The following PTPRM variants were observed in gnomAD, a reference collection of about 807,000 sequenced individuals.
The protein encoded by PTPRM is protein tyrosine phosphatase receptor type M, also known as receptor-type tyrosine-protein phosphatase mu.
In PTPRM, 47 loss-of-function variants were observed where a neutral mutation model predicts 186.7. The ratio of observed to expected loss-of-function variants is 0.25; its 90% CI spans 0.20 to 0.32. PTPRM has a LOEUF of 0.32. Ranked by LOEUF, PTPRM falls within the 10% of genes least tolerant of loss-of-function variation. The pLI is 1.00. For missense variants in PTPRM, 1,494 were observed against 1,865.0 expected (o/e 0.80, Z 3.66); for synonymous variants, 668 against 674.9 (o/e 0.99, Z 0.16).
chr18:8,359,932 C>T (rs79862498), intron 23 of PTPRM, among the ~76,000 whole-genome samples: 3,851 of 152,340 alleles, frequency 0.025, 71 homozygotes, highest in South Asian at 0.071. Context: ...GAGGTCCTTT[C>T]TTGAAGGCAG....
intron 13 of PTPRM, among the ~76,000 whole-genome samples, chr18:8,126,294 T>G (rs1178596368): frequency 2.0e-5 from 3 of 151,604 alleles, no homozygotes; most frequent in Non-Finnish European, 4.4e-5. Flanking sequence ...AATTGGTTTA[T>G]TTTGTCTTCT....
intron 5 of PTPRM, among the ~76,000 whole-genome samples, chr18:7,929,807 C>T (rs1599568425): frequency 6.6e-6 from 1 of 152,094 alleles, no homozygotes; most frequent in East Asian, 1.9e-4. Context: ...TTTCTCAGTC[C>T]ATTCTTTAGA....
chr18:7,667,440 A>C (rs1054368229), intron 1 of PTPRM, among the ~76,000 whole-genome samples: 39 of 152,238 alleles, frequency 2.6e-4, no homozygotes, highest in African/African-American at 8.9e-4. Flanking sequence ...GCACTAACAC[A>C]GAATTATTTT....
rs558443103 is a variant in PTPRM at position 8,004,727 on chromosome 18, A to G, written c.1132+49313A>G. Among the ~76,000 whole-genome samples, 3 of 152,262 alleles carry G rather than the reference A, an allele frequency of 2.0e-5. No individual in the cohort carries two copies. The East Asian group carries it at 5.8e-4, about 30-fold the overall frequency. On this transcript the variant is annotated intron_variant, in intron 7 of 32. Coordinates refer to ENST00000580170, the MANE Select transcript of PTPRM (RefSeq NM_001105244.2). ...CTTTTGCACCAACCTAGTAATTGCTATAGATTGCACGAAGCCAGAAGGAGC... is the reference window on the plus strand; with the variant it reads ...CTTTTGCACCAACCTAGTAATTGCTGTAGATTGCACGAAGCCAGAAGGAGC...
chr18:7,948,299 GAGAGAGAGA>G (rs2052693987), intron 5 of PTPRM, among the ~76,000 whole-genome samples: 1 of 151,906 alleles, frequency 6.6e-6, no homozygotes, highest in Admixed American at 6.6e-5. Flanking sequence ...GAGAGAGAAA[GAGAGAGAGA>G]AGAGAGAGCA....
chr18:8,214,955 C>A (rs2094059425), intron 14 of PTPRM, among the ~76,000 whole-genome samples: 1 of 152,184 alleles, frequency 6.6e-6, no homozygotes, highest in Non-Finnish European at 1.5e-5. Flanking sequence ...GCCTGGCCAT[C>A]CTTGATAATG....
chr18:7,865,307 A>C (rs920156256), intron 2 of PTPRM, among the ~76,000 whole-genome samples: 5 of 143,212 alleles, frequency 3.5e-5, no homozygotes, highest in African/African-American at 7.3e-5. Flanking sequence ...CTTCAGTATG[A>C]TATTGGCTGT....
At chr18:7,912,953 TA>T (rs1388230291) in intron 4 of PTPRM, among the ~76,000 whole-genome samples, 1 of 152,190 alleles carries the variant, frequency 6.6e-6, no homozygotes, top group Non-Finnish European at 1.5e-5. Flanking sequence ...ATCTTAACAT[TA>T]TCAGGCTTTG....
chr18:7,897,958 C>G (rs1031412450), intron 3 of PTPRM, among the ~76,000 whole-genome samples: 2 of 152,190 alleles, frequency 1.3e-5, no homozygotes, highest in Non-Finnish European at 2.9e-5. Context: ...ATTGCAAGCA[C>G]TAATAATTAG....
chr18:8,013,212 A>C (rs914791453), intron 7 of PTPRM, among the ~76,000 whole-genome samples: 10 of 152,224 alleles, frequency 6.6e-5, no homozygotes, highest in Non-Finnish European at 1.5e-4. Context: ...TTTGAAAATA[A>C]AAATTTTCAA....
At position 8,128,633 on chromosome 18, in the gene PTPRM, T is replaced by C. The variant is rs535383684; in HGVS notation, c.2167+13806T>C. Among the ~76,000 whole-genome samples the C allele has an allele frequency of 3.1e-4, 47 of 152,294 alleles. 1 individual carries two copies. The highest frequency in any genetic ancestry group is 1.1e-3 in the African/African-American group (47 of 41,562). ...CAGTTTCATCTATAAAACAGTATAG[T>C]TACAAGAAAATGGTGAGAGGATACA... On this transcript the variant is annotated intron_variant, in intron 13 of 32. Coordinates refer to ENST00000580170, the MANE Select transcript of PTPRM (RefSeq NM_001105244.2).
At chr18:8,090,723 A>C (rs1338232040) in intron 11 of PTPRM, among the ~76,000 whole-genome samples, 1 of 152,010 alleles carries the variant, frequency 6.6e-6, no homozygotes, top group Non-Finnish European at 1.5e-5. Context: ...CAGCCTCCCA[A>C]GTAGCTGGGA....
Position 8,243,951 on chromosome 18 carries a change from T to C in PTPRM, c.2301-107T>C, listed in dbSNP as rs536217843. On this transcript the variant is annotated intron_variant, in intron 14 of 32. Coordinates refer to ENST00000580170, the MANE Select transcript of PTPRM (RefSeq NM_001105244.2). Reference sequence around the variant, plus strand: ...CACTATACATCCATCTCTGAATGAATAGGATTAATTCAGTAGATGTTATTC... The same window carrying C: ...CACTATACATCCATCTCTGAATGAACAGGATTAATTCAGTAGATGTTATTC... 6 of 1,120,154 alleles carry C rather than the reference T, an allele frequency of 5.4e-6. No homozygotes were observed. The East Asian group carries it at 1.4e-4, about 25-fold the overall frequency. The allele number at this position is 1,120,154 out of a possible 1,614,324, so 69.4% of individuals were successfully genotyped here.
intron 4 of PTPRM, among the ~76,000 whole-genome samples, chr18:7,908,766 G>A (rs1220932816): frequency 2.6e-5 from 4 of 152,174 alleles, no homozygotes; most frequent in Non-Finnish European, 5.9e-5. Flanking sequence ...CATCAAGGCT[G>A]TACCTAATTG....
chr18:7,940,216 C>T (rs1457068513), intron 5 of PTPRM, among the ~76,000 whole-genome samples: 1 of 152,164 alleles, frequency 6.6e-6, no homozygotes, highest in Non-Finnish European at 1.5e-5. Flanking sequence ...TTTAATATCA[C>T]CACCAGTCCT....
Position 7,708,554 on chromosome 18 carries a change from CATA to C in PTPRM, c.74-65592_74-65590del, listed in dbSNP as rs372857032. On this transcript the variant is annotated intron_variant, in intron 1 of 32. Coordinates refer to ENST00000580170, the MANE Select transcript of PTPRM (RefSeq NM_001105244.2). ...CACCTGAACATTTTTACAATGAGAG[CATA>C]ATGAGTGTTGAAACTGGTATAGATT... Among the ~76,000 whole-genome samples the C allele has an allele frequency of 1.6e-4, 24 of 152,210 alleles. No homozygotes were observed. The East Asian group carries it at 4.1e-3, about 26-fold the overall frequency.
intron 19 of PTPRM, among the ~76,000 whole-genome samples, chr18:8,274,992 C>T (rs1305320824): frequency 1.3e-5 from 2 of 152,160 alleles, no homozygotes; most frequent in Non-Finnish European, 2.9e-5. Context: ...AAACATGTTT[C>T]TTCTGCAACC....
rs556056677 is a variant in PTPRM at position 8,056,123 on chromosome 18, TTCA to T, written c.1133-13561_1133-13559del. Among the ~76,000 whole-genome samples, 1,143 of 152,328 alleles carry T rather than the reference TTCA, an allele frequency of 7.5e-3. 7 individuals are homozygous for T. Among genetic ancestry groups the T allele is most frequent in the South Asian group, 0.03 (143 of 4,832 alleles). ...TAATAATTACTTTATGGATGTATTC[TTCA>T]TTTATTAATTTATCTAATTATTTGA... On this transcript the variant is annotated intron_variant, in intron 7 of 32. Coordinates refer to ENST00000580170, the MANE Select transcript of PTPRM (RefSeq NM_001105244.2).
intron 7 of PTPRM, among the ~76,000 whole-genome samples, chr18:7,987,495 G>A (rs1419755098): frequency 6.6e-6 from 1 of 152,118 alleles, no homozygotes; most frequent in Non-Finnish European, 1.5e-5. Context: ...TTCTTGGCAG[G>A]CTCCCTGTCA....
Sources: allele counts gnomAD v4.1 joint callset (sites outside exome capture counted in the v4.1 genomes callset), GRCh38; gene constraint gnomAD v4.1.1; transcripts MANE v1.5; gene names NCBI Gene and HGNC (gene_info 2026-07-23, HGNC 2026-07-21).